TRPM3: variants seen among roughly 807,000 people sequenced by gnomAD.
The protein encoded by TRPM3 is long transient receptor potential channel 3.
Under a neutral mutation model 181.2 loss-of-function variants are expected in TRPM3, and 77 were observed. The ratio of observed to expected loss-of-function variants is 0.42; its 90% confidence interval spans 0.35 to 0.51. The LOEUF is 0.51. Ranked by LOEUF, TRPM3 falls within the 20% of genes least tolerant of loss-of-function variation. The probability of loss-of-function intolerance (pLI) is 0.01; values close to 1 mark genes in which losing one functional copy is unlikely to be tolerated. For missense variants in TRPM3, 1,759 were observed against 2,196.7 expected (o/e 0.80, Z 3.98); for synonymous variants, 745 against 796.4 (o/e 0.94, Z 1.09).
In TRPM3 at chr9:71,113,411, T is replaced by C. The variant is rs557515275; in HGVS notation, c.177+7767A>G. 4.6e-5 allele frequency among the ~76,000 whole-genome samples: 7 copies of C among 152,204 alleles called. No homozygotes were observed. The East Asian group carries it at 1.4e-3, about 29-fold the overall frequency. ...TGATCCTAGCAGTTGGGAGATAGTA[T>C]AGAGGAAAAGGAGCAGATGAGAGGG... On this transcript the variant is annotated intron_variant, in intron 1 of 25. Transcript: ENST00000677713.
At chr9:71,075,247 T>G (rs1487450552) in intron 1 of TRPM3, among the ~76,000 whole-genome samples, 1 of 152,198 alleles carries the variant, frequency 6.6e-6, no homozygotes, top group Non-Finnish European at 1.5e-5. Context: ...TCAAACAGAT[T>G]ATCATTTGTT....
chr9:71,032,580 T>C (rs1366035204), intron 1 of TRPM3, among the ~76,000 whole-genome samples: 2 of 152,174 alleles, frequency 1.3e-5, no homozygotes, highest in Non-Finnish European at 2.9e-5. Flanking sequence ...ACATGCTGGA[T>C]TAATCATTGA....
intron 1 of TRPM3, among the ~76,000 whole-genome samples, chr9:70,994,044 A>C (rs2097519446): frequency 6.6e-6 from 1 of 152,170 alleles, no homozygotes; most frequent in Non-Finnish European, 1.5e-5. Flanking sequence ...ATTAACGGTC[A>C]CTATGTTCAC....
intron 1 of TRPM3, among the ~76,000 whole-genome samples, chr9:71,381,062 A>G (rs1431177): frequency 0.99 from 150,647 of 152,182 alleles, 74,592 homozygotes; most frequent in East Asian, 1. Flanking sequence ...ATAAGACTCA[A>G]GCATGACTAC....
intron 1 of TRPM3, among the ~76,000 whole-genome samples, chr9:71,188,383 T>C (rs1402328139): frequency 1.3e-5 from 2 of 151,864 alleles, no homozygotes; most frequent in Admixed American, 1.3e-4. Flanking sequence ...TTTTTAGAGT[T>C]GCCATCCATA....
At chr9:71,020,224 T>C (rs1044113754) in intron 1 of TRPM3, among the ~76,000 whole-genome samples, 1 of 151,922 alleles carries the variant, frequency 6.6e-6, no homozygotes, top group African/African-American at 2.4e-5. Context: ...CCCAGCACTT[T>C]GGGAGGCTGA....
intron 1 of TRPM3, among the ~76,000 whole-genome samples, chr9:71,178,475 C>G (rs775381409): frequency 1.7e-4 from 26 of 152,036 alleles, no homozygotes; most frequent in Non-Finnish European, 3.8e-4. Flanking sequence ...TTATTATTAT[C>G]TAATAAGATT....
chr9:71,051,142 A>T (rs2060019094), intron 1 of TRPM3, among the ~76,000 whole-genome samples: 1 of 152,164 alleles, frequency 6.6e-6, no homozygotes, highest in African/African-American at 2.4e-5. Context: ...TTCTTCATGC[A>T]TTTTAAACTT....
chr9:71,279,023 T>A lies in TRPM3; in HGVS notation c.183+167630A>T, dbSNP rs146833391. 2.3e-5 allele frequency among the ~76,000 whole-genome samples: 3 copies of A among 130,534 alleles called. No individual in the cohort carries two copies. In the Admixed American group the frequency reaches 2.6e-4, roughly 11 times the overall value. The allele number at this position is 130,534 out of a possible 152,430, so 85.6% of individuals were successfully genotyped here. ...TCAAGTTCTCTCCTCACCAAACTTA[T>A]CCTGCTTAGGTTAAAAAAAATAAAA... On this transcript the variant is annotated intron_variant, in intron 1 of 24. Transcript: ENST00000357533.
At chr9:71,300,289 T>C (rs1203487928) in intron 1 of TRPM3, among the ~76,000 whole-genome samples, 3 of 152,056 alleles carry the variant, frequency 2.0e-5, no homozygotes, top group African/African-American at 4.8e-5. Context: ...TGCAAGCTGG[T>C]TTTAATGACA....
chr9:71,011,546 A>G (rs2134373879), intron 1 of TRPM3, among the ~76,000 whole-genome samples: 1 of 152,074 alleles, frequency 6.6e-6, no homozygotes, highest in South Asian at 2.1e-4. Flanking sequence ...ATTTCCTATA[A>G]TTTTTAAGAA....
rs914309850 is a variant in TRPM3, at chr9:71,446,755, G to A, written c.81C>T (p.Arg27=). 89 of 1,550,432 alleles carry A rather than the reference G, an allele frequency of 5.7e-5. 1 individual carries two copies. The Middle Eastern group carries it at 6.7e-4, about 12-fold the overall frequency. ...ACCTGCCCCGGCTGGCGCTCCGGCT[G>A]CGTCTGCGGCTCTCCGCGTTGTCCT... The change falls in exon 1 of 25, where the codon CGC becomes CGT. Residue 27 remains arginine (R), a synonymous_variant. Coordinates refer to the TRPM3 transcript ENST00000357533.
At chr9:71,420,113 A>T (rs544429392) in intron 1 of TRPM3, among the ~76,000 whole-genome samples, 3 of 152,124 alleles carry the variant, frequency 2.0e-5, no homozygotes, top group African/African-American at 7.2e-5. Flanking sequence ...CTTCTTAAAC[A>T]TTAGCTACTG....
At chr9:70,770,781 T>C (rs539959614) in intron 7 of TRPM3, among the ~76,000 whole-genome samples, 4 of 152,312 alleles carry the variant, frequency 2.6e-5, no homozygotes, top group African/African-American at 9.6e-5. Flanking sequence ...TCCTGGCACA[T>C]AGGTGTTAAA....
chr9:70,936,198 T>C (rs2096827204), intron 1 of TRPM3, among the ~76,000 whole-genome samples: 1 of 152,224 alleles, frequency 6.6e-6, no homozygotes, highest in Admixed American at 6.5e-5. Context: ...ATAAATGCAG[T>C]AAATGAATAA....
chr9:70,787,955 T>C (rs1243198631), intron 6 of TRPM3, among the ~76,000 whole-genome samples: 2 of 150,788 alleles, frequency 1.3e-5, no homozygotes, highest in African/African-American at 4.9e-5. Context: ...ATTAGAACCC[T>C]AAGAGGGCCC....
At chr9:71,405,547 CTCTT>C (rs1456569426) in intron 1 of TRPM3, among the ~76,000 whole-genome samples, 1 of 152,114 alleles carries the variant, frequency 6.6e-6, no homozygotes, top group Non-Finnish European at 1.5e-5. Flanking sequence ...ACAGATGTGT[CTCTT>C]CCTTTAGGAA....
In TRPM3 at chr9:70,903,959, A is replaced by G. The variant is rs555032289; in HGVS notation, c.178-39448T>C. Among the ~76,000 whole-genome samples the G allele has an allele frequency of 2.5e-3, 387 of 152,324 alleles. 1 individual carries two copies. The highest frequency in any genetic ancestry group is 4.1e-3 in the Non-Finnish European group (276 of 68,024). ...CTGATTTTTTTAAAATAAAAAAAAA[A>G]ATACTGTAATTCCATCATTTTGGAA... On this transcript the variant is annotated intron_variant, in intron 1 of 25. Coordinates refer to ENST00000677713, the MANE Select transcript of TRPM3 (RefSeq NM_001366145.2).
intron 1 of TRPM3, among the ~76,000 whole-genome samples, chr9:71,038,069 T>C (rs1411665422): frequency 6.6e-6 from 1 of 152,252 alleles, no homozygotes; most frequent in African/African-American, 2.4e-5. Context: ...TTTTCAACAG[T>C]CTTAGCTTAG....
Sources: allele counts gnomAD v4.1 joint callset (sites outside exome capture counted in the v4.1 genomes callset), GRCh38; gene constraint gnomAD v4.1.1; transcripts MANE v1.5; gene names NCBI Gene and HGNC (gene_info 2026-07-23, HGNC 2026-07-21).